The following RPS6KC1 variants were observed in gnomAD, a reference collection of about 807,000 sequenced individuals.
RPS6KC1 encodes the protein inactive ribosomal protein S6 kinase delta-1.
A neutral mutation model predicts 103.8 loss-of-function variants in RPS6KC1; 54 were observed. That is an observed-to-expected ratio of 0.52 (90% CI 0.42 to 0.65). The LOEUF is 0.65. Among genes scored for constraint, RPS6KC1 ranks in the 30% least tolerant of loss-of-function variants. RPS6KC1 has a pLI of 0.00. For missense variants in RPS6KC1, 1,151 were observed against 1,253.8 expected (o/e 0.92, Z 1.24); for synonymous variants, 439 against 438.7 (o/e 1.00, Z -0.01).
chr1:213,409,494 A>G, the RPS6KC1 span, among the ~76,000 whole-genome samples: 66 of 152,240 alleles, frequency 4.3e-4, no homozygotes, highest in African/African-American at 1.6e-3. Context: ...AGGCAGAAAA[A>G]AAACATGAGG....
the RPS6KC1 span, among the ~76,000 whole-genome samples, chr1:213,599,176 G>A: frequency 4.1e-4 from 63 of 152,266 alleles, no homozygotes; most frequent in African/African-American, 1.3e-3. Context: ...GTTTTTGGAC[G>A]TTTACAATTG....
chr1:213,186,689 A>G (rs1485392254), intron 8 of RPS6KC1, among the ~76,000 whole-genome samples: 1 of 152,158 alleles, frequency 6.6e-6, no homozygotes, highest in East Asian at 1.9e-4. Context: ...CTCCCTCTTG[A>G]ACACTAATAA....
rs776771664 is a variant in RPS6KC1, at chr1:213,272,637, G to C, written c.*3G>C. 2.5e-6 allele frequency: 4 copies of C among 1,589,874 alleles called. No homozygotes were observed. On this transcript the variant is annotated 3_prime_UTR_variant, in exon 15 of 15. Coordinates refer to ENST00000366960, the MANE Select transcript of RPS6KC1 (RefSeq NM_012424.6). ...ATTGGGCAGAACTGATGAGATGAAC[G>C]TAATGCAGGGTTATCTTCACACATT...
At chr1:213,127,831 T>G (rs1558374949) in intron 5 of RPS6KC1, among the ~76,000 whole-genome samples, 1 of 152,332 alleles carries the variant, frequency 6.6e-6, no homozygotes, top group East Asian at 1.9e-4. Context: ...TGAAATGTGC[T>G]GTCAACATTT....
chr1:213,154,113 A>C (rs1403347580), intron 6 of RPS6KC1, among the ~76,000 whole-genome samples: 1 of 151,298 alleles, frequency 6.6e-6, no homozygotes, highest in Non-Finnish European at 1.5e-5. Flanking sequence ...CAAACATATA[A>C]AATCTCTCTC....
the RPS6KC1 span, among the ~76,000 whole-genome samples, chr1:213,496,734 G>A: frequency 2.6e-5 from 4 of 152,000 alleles, no homozygotes; most frequent in Admixed American, 2.0e-4. Flanking sequence ...CTCCAGCCTG[G>A]GTGACAGAGT....
chr1:213,482,815 C>A, the RPS6KC1 span, among the ~76,000 whole-genome samples: 1 of 151,792 alleles, frequency 6.6e-6, no homozygotes, highest in South Asian at 2.1e-4. Context: ...CCAAAGTGAC[C>A]TTTGTTTTTT....
At chr1:213,565,005 C>T in the RPS6KC1 span, among the ~76,000 whole-genome samples, 1 of 152,194 alleles carries the variant, frequency 6.6e-6, no homozygotes, top group African/African-American at 2.4e-5. Context: ...AGACATTCAA[C>T]TGGCCAATAA....
chr1:213,076,015 T>C (rs1170109435), intron 2 of RPS6KC1, among the ~76,000 whole-genome samples: 1 of 152,228 alleles, frequency 6.6e-6, no homozygotes, highest in Non-Finnish European at 1.5e-5. Context: ...TGATGTTGTC[T>C]TGTGATGTGT....
the RPS6KC1 span, among the ~76,000 whole-genome samples, chr1:213,641,707 G>A: frequency 6.6e-6 from 1 of 151,924 alleles, no homozygotes; most frequent in African/African-American, 2.4e-5. Flanking sequence ...GTACAACCCA[G>A]TTCTCTAGGG....
chr1:213,657,558 C>T, the RPS6KC1 span, among the ~76,000 whole-genome samples: 133,102 of 152,228 alleles, frequency 0.87, 58,221 homozygotes, highest in Non-Finnish European at 0.89. Context: ...AAAGAAATAA[C>T]GAATAACACG....
At chr1:213,363,625 G>GCTTGCTTGCTTTCTTT in the RPS6KC1 span, among the ~76,000 whole-genome samples, 1 of 73,782 alleles carries the variant, frequency 1.4e-5, no homozygotes, top group East Asian at 3.3e-4. Context: ...TTGCTTGCTT[G>GCTTGCTTGCTTTCTTT]CTTTCTTTCT....
At chr1:213,457,032 C>G in the RPS6KC1 span, among the ~76,000 whole-genome samples, 2 of 152,124 alleles carry the variant, frequency 1.3e-5, no homozygotes, top group Non-Finnish European at 2.9e-5. Flanking sequence ...GAAGGACTTC[C>G]TGACACAGAA....
chr1:213,241,811 G>T lies in RPS6KC1; in HGVS notation c.2335G>T (p.Ala779Ser), dbSNP rs1401999731. 6.2e-7 allele frequency: 1 copy of T among 1,613,916 alleles called. No individual in the cohort carries two copies. Among genetic ancestry groups the T allele is most frequent in the Admixed American group, 1.7e-5 (1 of 59,978 alleles). ...GGAGGATCCCAGGATGTTATTTGTA[G>T]CAGCTGTTGATCATAGTAGTTCAGG... ...AQEDPRMLFV[A>S]AVDHSSSGDM... The change falls in exon 11 of 15, where the codon GCA becomes TCA. Residue 779 changes from alanine (A) to serine (S), a missense_variant. Around this residue, in one of 3 missense-constraint regions of RPS6KC1, gnomAD observed 959 missense variants for 1,006.3 expected, o/e 0.95. Coordinates refer to ENST00000366960, the MANE Select transcript of RPS6KC1 (RefSeq NM_012424.6).
chr1:213,632,132 A>G, the RPS6KC1 span, among the ~76,000 whole-genome samples: 2 of 152,200 alleles, frequency 1.3e-5, no homozygotes, highest in Non-Finnish European at 2.9e-5. Flanking sequence ...ATACACTTTT[A>G]TCAGCGTTTG....
At chr1:213,855,311 CGT>C in the RPS6KC1 span, among the ~76,000 whole-genome samples, 1 of 152,128 alleles carries the variant, frequency 6.6e-6, no homozygotes, top group African/African-American at 2.4e-5. Context: ...CTTATCAAGT[CGT>C]ATCATCCGTC....
chr1:213,836,831 G>A, the RPS6KC1 span, among the ~76,000 whole-genome samples: 1 of 152,046 alleles, frequency 6.6e-6, no homozygotes, highest in South Asian at 2.1e-4. Context: ...AACGTGTCAG[G>A]ACCCATAGTT....
chr1:213,142,976 G>T (rs1037235305), intron 6 of RPS6KC1, among the ~76,000 whole-genome samples: 1 of 151,886 alleles, frequency 6.6e-6, no homozygotes, highest in Non-Finnish European at 1.5e-5. Flanking sequence ...AGATATGCCT[G>T]TATATATATT....
At chr1:213,328,406 G>A in the RPS6KC1 span, among the ~76,000 whole-genome samples, 3 of 151,554 alleles carry the variant, frequency 2.0e-5, no homozygotes, top group African/African-American at 7.3e-5. Flanking sequence ...CATTGGATGG[G>A]TAAGCGTGGG....
Sources: allele counts gnomAD v4.1 joint callset (sites outside exome capture counted in the v4.1 genomes callset), GRCh38; gene constraint gnomAD v4.1.1; regional missense constraint gnomAD v4.1.1; transcripts MANE v1.5; gene names NCBI Gene and HGNC (gene_info 2026-07-23, HGNC 2026-07-21).